The following ZFYVE9 variants were observed in gnomAD, a reference collection of about 807,000 sequenced individuals.
ZFYVE9 encodes the protein zinc finger FYVE domain-containing protein 9.
A neutral mutation model predicts 126.7 loss-of-function variants in ZFYVE9; 43 were observed. The ratio of observed to expected loss-of-function variants is 0.34; its 90% CI spans 0.27 to 0.44. ZFYVE9 has a LOEUF of 0.44. Among genes scored for constraint, ZFYVE9 ranks in the 20% least tolerant of loss-of-function variants. The pLI, the probability that ZFYVE9 is intolerant of heterozygous loss-of-function variation, is 1.00. For synonymous variants in ZFYVE9, 521 were observed against 597.4 expected (o/e 0.87, Z 1.87); for missense variants, 1,476 against 1,697.0 (o/e 0.87, Z 2.29).
intron 5 of ZFYVE9, 55 bp downstream of exon 5, chr1:52,263,927 C>A (rs760783113): frequency 8.2e-7 from 1 of 1,217,008 alleles, no homozygotes; most frequent in Non-Finnish European, 1.2e-6. Context: ...AAGGGAATTA[C>A]GATGAGAAGA....
intron 2 of ZFYVE9, among the ~76,000 whole-genome samples, chr1:52,218,380 C>T (rs1048394913): frequency 2.6e-5 from 4 of 152,182 alleles, no homozygotes; most frequent in African/African-American, 9.7e-5. Context: ...TCAAATTTTC[C>T]CCTTGTTGTG....
intron 1 of ZFYVE9, among the ~76,000 whole-genome samples, chr1:52,167,479 C>T (rs528117681): frequency 6.6e-6 from 1 of 152,228 alleles, no homozygotes; most frequent in East Asian, 1.9e-4. Context: ...GCATGAGATA[C>T]ATATGAATCC....
chr1:52,303,353 T>G (rs751115836), intron 12 of ZFYVE9, among the ~76,000 whole-genome samples: 26 of 152,164 alleles, frequency 1.7e-4, no homozygotes, highest in Non-Finnish European at 3.2e-4. Flanking sequence ...AGTCCACCAC[T>G]CTTGTTCATT....
At chr1:52,286,716 T>G (rs142797936) in intron 10 of ZFYVE9, among the ~76,000 whole-genome samples, 3 of 152,328 alleles carry the variant, frequency 2.0e-5, no homozygotes, top group Admixed American at 2.0e-4. Flanking sequence ...TAATCTCTGG[T>G]TGTTTCCCTA....
chr1:52,248,570 A>G (rs1383939907), intron 4 of ZFYVE9, among the ~76,000 whole-genome samples: 1 of 152,186 alleles, frequency 6.6e-6, no homozygotes, highest in East Asian at 1.9e-4. Context: ...AACACTTAAT[A>G]CTAATCATCA....
At chr1:52,344,586 G>GT (rs1011199236) in intron 17 of ZFYVE9, among the ~76,000 whole-genome samples, 182 bp from the exon 18 acceptor site, 258 of 147,712 alleles carry the variant, frequency 1.7e-3, no homozygotes, top group Non-Finnish European at 2.4e-3. Flanking sequence ...GACAGGGATT[G>GT]TTTTTTTTTT....
chr1:52,216,589 T>C (rs1645073937), intron 2 of ZFYVE9, 115 bp downstream of exon 2: 1 of 395,854 alleles, frequency 2.5e-6, no homozygotes, highest in Non-Finnish European at 4.5e-6. Context: ...TTGTGTCTTA[T>C]TAAATCAGGA....
intron 2 of ZFYVE9, among the ~76,000 whole-genome samples, chr1:52,220,240 A>G (rs1049754419): frequency 1.3e-5 from 2 of 152,188 alleles, no homozygotes; most frequent in Non-Finnish European, 2.9e-5. Context: ...AGGGAGTATG[A>G]TATTCCCATT....
intron 5 of ZFYVE9, among the ~76,000 whole-genome samples, chr1:52,265,915 A>G (rs1407870131): frequency 6.6e-6 from 1 of 152,182 alleles, no homozygotes; most frequent in Non-Finnish European, 1.5e-5. Context: ...ATAGAACTTT[A>G]TAAAATGCAT....
chr1:52,292,802 T>G (rs1645935686), intron 10 of ZFYVE9, among the ~76,000 whole-genome samples: 1 of 152,056 alleles, frequency 6.6e-6, no homozygotes, highest in African/African-American at 2.4e-5. Flanking sequence ...GAGGTGATAG[T>G]TCTTGAGACC....
At chr1:52,159,993 T>C (rs543566157) in intron 1 of ZFYVE9, among the ~76,000 whole-genome samples, 60 of 150,532 alleles carry the variant, frequency 4.0e-4, no homozygotes, top group Non-Finnish European at 8.0e-4. Flanking sequence ...AGTCGGGGTT[T>C]CTTTTTTTTT....
At chr1:52,158,762 G>C (rs761908102) in intron 1 of ZFYVE9, among the ~76,000 whole-genome samples, 1 of 151,976 alleles carries the variant, frequency 6.6e-6, no homozygotes, top group East Asian at 1.9e-4. Context: ...CCTTTCTAGG[G>C]AGCCTGGGCA....
At chr1:52,144,062 GCAA>G (rs1486542567) in intron 1 of ZFYVE9, among the ~76,000 whole-genome samples, 1 of 152,178 alleles carries the variant, frequency 6.6e-6, no homozygotes, top group Non-Finnish European at 1.5e-5. Context: ...TCCTGCTTGG[GCAA>G]CGTAAGCAAG....
chr1:52,262,535 T>A (rs1442076957), intron 4 of ZFYVE9, among the ~76,000 whole-genome samples: 1 of 152,178 alleles, frequency 6.6e-6, no homozygotes, highest in Non-Finnish European at 1.5e-5. Context: ...TTTAAGAATG[T>A]CAAGCCCTAT....
intron 1 of ZFYVE9, among the ~76,000 whole-genome samples, chr1:52,157,205 CAT>C (rs1272106775): frequency 1.3e-5 from 2 of 151,820 alleles, no homozygotes; most frequent in Non-Finnish European, 2.9e-5. Flanking sequence ...AATAATTTTA[CAT>C]ATATATATGA....
intron 2 of ZFYVE9, among the ~76,000 whole-genome samples, chr1:52,225,230 G>A (rs1177335466): frequency 3.3e-5 from 5 of 152,272 alleles, no homozygotes; most frequent in African/African-American, 7.2e-5. Context: ...CTGAGAGTCC[G>A]GATTTATTCG....
chr1:52,170,276 C>T (rs1472813234), intron 1 of ZFYVE9, among the ~76,000 whole-genome samples: 2 of 152,068 alleles, frequency 1.3e-5, no homozygotes, highest in Non-Finnish European at 2.9e-5. Flanking sequence ...TCATAGTAGC[C>T]ACTCATGATC....
chr1:52,318,173 A>G (rs1437599901), intron 13 of ZFYVE9, among the ~76,000 whole-genome samples: 1 of 152,214 alleles, frequency 6.6e-6, no homozygotes, highest in Non-Finnish European at 1.5e-5. Context: ...CCACTCTAAC[A>G]ATACATAAAA....
intron 7 of ZFYVE9, among the ~76,000 whole-genome samples, chr1:52,269,467 G>T (rs1557491858): frequency 6.6e-6 from 1 of 152,056 alleles, no homozygotes. Context: ...TGTTTTCATA[G>T]AATTGTTAGT....
Sources: gnomAD v4.1 joint callset for allele counts (sites outside exome capture counted in the v4.1 genomes callset) on GRCh38, gnomAD v4.1.1 for gene constraint, MANE v1.5 for transcripts, NCBI Gene and HGNC (gene_info 2026-07-23, HGNC 2026-07-21) for gene names.